The following PALM2AKAP2 variants were observed in gnomAD, a reference collection of about 807,000 sequenced individuals.
PALM2AKAP2 encodes the protein PALM2-AKAP2 fusion protein.
PALM2AKAP2 carries 37 observed loss-of-function variants against 71.5 expected under a neutral mutation model. That is an observed-to-expected ratio of 0.52 (90% CI 0.40 to 0.68). The LOEUF is 0.68. Among genes scored for constraint, PALM2AKAP2 ranks in the 30% least tolerant of loss-of-function variants. The pLI is 0.00. For synonymous variants in PALM2AKAP2, 468 were observed against 478.8 expected (o/e 0.98, Z 0.29); for missense variants, 1,224 against 1,191.8 (o/e 1.03, Z -0.40).
chr9:110,162,035 G>A, intron 3 of PALM2AKAP2, 59 bp from the exon 10 acceptor site: 1 of 1,593,840 alleles, frequency 6.3e-7, no homozygotes, highest in Non-Finnish European at 8.6e-7. Context: ...CCGGCTAGGG[G>A]GTGTTCTGTA....
At chr9:110,103,195 TTC>T (rs1835041282) in intron 1 of PALM2AKAP2, among the ~76,000 whole-genome samples, 1 of 152,166 alleles carries the variant, frequency 6.6e-6, no homozygotes, top group East Asian at 1.9e-4. Context: ...TTGTTCGTAA[TTC>T]TGTTTTGTTT....
At chr9:110,057,471 C>T (rs1360465724) in intron 1 of PALM2AKAP2, among the ~76,000 whole-genome samples, 1 of 151,720 alleles carries the variant, frequency 6.6e-6, no homozygotes, top group Non-Finnish European at 1.5e-5. Flanking sequence ...CTCTGCCTCC[C>T]CGGTTCAAGC....
At chr9:109,819,956 T>C (rs1827954103) in intron 1 of PALM2AKAP2, among the ~76,000 whole-genome samples, 1 of 152,004 alleles carries the variant, frequency 6.6e-6, no homozygotes, top group Non-Finnish European at 1.5e-5. Context: ...AACAATTCAA[T>C]AGGAAAACAG....
intron 6 of PALM2AKAP2, among the ~76,000 whole-genome samples, chr9:109,984,258 C>A (rs918311919): frequency 2.0e-5 from 3 of 152,118 alleles, no homozygotes; most frequent in African/African-American, 7.2e-5. Context: ...CTGAAGATTT[C>A]TTTGTATTTG....
rs367815713 is a variant in PALM2AKAP2, at chr9:109,740,747, G to A, written c.6-39741G>A. Among the ~76,000 whole-genome samples the A allele has an allele frequency of 5.9e-5, 9 of 152,248 alleles. No individual in the cohort carries two copies. In the East Asian group the frequency reaches 1.7e-3, roughly 29 times the overall value. ...TGGCTCACTGCAACCTCCGCCTGCC[G>A]GGTTCAAGCGATTCTCCTGCCTCAG... On this transcript the variant is annotated intron_variant, in intron 1 of 6. Transcript: ENST00000374531.
At chr9:109,867,396 A>AC in intron 1 of PALM2AKAP2, 95 bp from the exon 2 acceptor site, 1 of 1,418,430 alleles carries the variant, frequency 7.1e-7, no homozygotes. Flanking sequence ...AAGTGTCTAT[A>AC]CAGATGTGTG....
intron 1 of PALM2AKAP2, among the ~76,000 whole-genome samples, chr9:109,709,437 C>T (rs1828193134): frequency 6.6e-6 from 1 of 152,196 alleles, no homozygotes; most frequent in Non-Finnish European, 1.5e-5. Context: ...GCTTGCTCAC[C>T]TGGGCCACTG....
intron 6 of PALM2AKAP2, among the ~76,000 whole-genome samples, chr9:110,014,799 AAAAAATGTATATATATAT>A (rs1564260442): frequency 5.8e-4 from 33 of 56,626 alleles, no homozygotes; most frequent in African/African-American, 1.6e-3. Context: ...AAAAAAAAAA[AAAAAATGTATATATATAT>A]ATATATATAT....
intron 6 of PALM2AKAP2, among the ~76,000 whole-genome samples, chr9:110,005,917 C>A (rs554436294): frequency 3.3e-5 from 5 of 152,230 alleles, no homozygotes; most frequent in East Asian, 1.9e-4. Flanking sequence ...TTCCAGGTAC[C>A]GTCTGTCACC....
intron 1 of PALM2AKAP2, among the ~76,000 whole-genome samples, chr9:110,118,224 A>AC (rs1458419967): frequency 1.7e-4 from 16 of 91,968 alleles, no homozygotes; most frequent in African/African-American, 5.4e-4. Context: ...CACACACACA[A>AC]ATTATATCCT....
chr9:110,014,824 A>G (rs866594362), intron 6 of PALM2AKAP2, among the ~76,000 whole-genome samples: 1,757 of 97,620 alleles, frequency 0.018, 146 homozygotes, highest in African/African-American at 0.052. Flanking sequence ...ATATATATAT[A>G]TATATATATA....
intron 6 of PALM2AKAP2, among the ~76,000 whole-genome samples, chr9:109,998,804 T>C (rs1454298289): frequency 6.7e-6 from 1 of 149,586 alleles, no homozygotes; most frequent in Non-Finnish European, 1.5e-5. Flanking sequence ...CCATTCTAGC[T>C]GCCCAATGTG....
intron 1 of PALM2AKAP2, among the ~76,000 whole-genome samples, chr9:110,087,290 A>C (rs1464176369): frequency 1.3e-5 from 2 of 152,188 alleles, no homozygotes; most frequent in Non-Finnish European, 2.9e-5. Context: ...TCATCTTAAT[A>C]CTATTAATGT....
chr9:110,128,584 T>A lies in PALM2AKAP2; in HGVS notation c.157-7543T>A, dbSNP rs116448285. Reference sequence around the variant, plus strand: ...ATGTCATGGCTTTAGTAGGAAGTAATCTGGGTTATTCAAAGCAGAGAAACC... The same window carrying A: ...ATGTCATGGCTTTAGTAGGAAGTAAACTGGGTTATTCAAAGCAGAGAAACC... On this transcript the variant is annotated intron_variant, in intron 1 of 3. Transcript: ENST00000374525. 2.0e-3 allele frequency among the ~76,000 whole-genome samples: 305 copies of A among 152,326 alleles called. 1 individual carries two copies. Among genetic ancestry groups the A allele is most frequent in the African/African-American group, 6.9e-3 (287 of 41,576 alleles).
intron 6 of PALM2AKAP2, among the ~76,000 whole-genome samples, chr9:109,992,669 G>C (rs1224197341): frequency 6.6e-6 from 1 of 152,058 alleles, no homozygotes; most frequent in Non-Finnish European, 1.5e-5. Context: ...CTTATCCCTG[G>C]AAGTGTGCAA....
chr9:109,655,084 T>C (rs538319367), intron 1 of PALM2AKAP2, among the ~76,000 whole-genome samples: 31 of 152,120 alleles, frequency 2.0e-4, no homozygotes, highest in African/African-American at 6.7e-4. Flanking sequence ...GGTCAGGAGA[T>C]TGAGACCATC....
exon 2 of PALM2AKAP2, chr9:110,138,307 G>A (rs1439260970): frequency 7.4e-6 from 12 of 1,614,114 alleles, no homozygotes; most frequent in Non-Finnish European, 5.9e-6. Flanking sequence ...CAGCTGAGCT[G>A]AGAAGCACAG....
At chr9:109,715,122 G>T (rs1251095795) in intron 1 of PALM2AKAP2, among the ~76,000 whole-genome samples, 1 of 152,166 alleles carries the variant, frequency 6.6e-6, no homozygotes. Context: ...TTGAAAACAG[G>T]CATAATAATA....
At chr9:110,048,726 C>G (rs746965383) in exon 1 of PALM2AKAP2, 12 of 1,547,028 alleles carry the variant, frequency 7.8e-6, no homozygotes, top group Non-Finnish European at 9.5e-6. Context: ...CCGGGGCTGC[C>G]GCTCGCCTTC....
Sources: gnomAD v4.1 joint callset for allele counts (sites outside exome capture counted in the v4.1 genomes callset) on GRCh38, gnomAD v4.1.1 for gene constraint, MANE v1.5 for transcripts, NCBI Gene and HGNC (gene_info 2026-07-23, HGNC 2026-07-21) for gene names.